ZDHHC11B: variants seen among roughly 807,000 people sequenced by gnomAD.
ZDHHC11B encodes the protein zDHHC palmitoyltransferase 11B (putative), also known as probable palmitoyltransferase ZDHHC11B.
Under a neutral mutation model 42.3 loss-of-function variants are expected in ZDHHC11B, and 17 were observed. The ratio of observed to expected loss-of-function variants is 0.40; its 90% CI spans 0.27 to 0.60. The LOEUF (loss-of-function observed/expected upper bound fraction) is 0.60. Ranked by LOEUF, ZDHHC11B falls within the 20% of genes least tolerant of loss-of-function variation. The probability of loss-of-function intolerance (pLI) is 0.41; values close to 1 mark genes in which losing one functional copy is unlikely to be tolerated. For missense variants in ZDHHC11B, 262 were observed against 463.2 expected (o/e 0.57, Z 3.99); for synonymous variants, 123 against 193.5 (o/e 0.64, Z 3.02).
At chr5:754,046 C>T (rs1396467916) in intron 6 of ZDHHC11B, among the ~76,000 whole-genome samples, 2 of 135,338 alleles carry the variant, frequency 1.5e-5, no homozygotes, top group Admixed American at 8.3e-5. Context: ...GAGCCTCCAC[C>T]GTGCTCAGGG....
intron 4 of ZDHHC11B, among the ~76,000 whole-genome samples, chr5:763,380 A>T (rs1287199468): frequency 6.7e-6 from 1 of 148,300 alleles, no homozygotes; most frequent in African/African-American, 2.6e-5. Flanking sequence ...CGGGAAAAAA[A>T]AAAAAAAGAA....
chr5:761,730 G>A (rs1200994262), intron 4 of ZDHHC11B, among the ~76,000 whole-genome samples: 1 of 151,842 alleles, frequency 6.6e-6, no homozygotes, highest in East Asian at 1.9e-4. Context: ...GGCACACTCA[G>A]GGCCTCTCAG....
At chr5:724,411 T>A (rs1348920606) in intron 12 of ZDHHC11B, among the ~76,000 whole-genome samples, 1 of 139,306 alleles carries the variant, frequency 7.2e-6, no homozygotes, top group African/African-American at 2.7e-5. Context: ...AGTCTTGCTC[T>A]GTCGCCCAGG....
At chr5:777,932 C>T (rs1254410914) in intron 1 of ZDHHC11B, among the ~76,000 whole-genome samples, 1 of 151,778 alleles carries the variant, frequency 6.6e-6, no homozygotes, top group African/African-American at 2.4e-5. Flanking sequence ...GGCGTGGCCT[C>T]GGCATGGCGG....
At chr5:758,382 T>C (rs1203260114) in intron 4 of ZDHHC11B, among the ~76,000 whole-genome samples, 6 of 151,884 alleles carry the variant, frequency 4.0e-5, no homozygotes, top group African/African-American at 1.5e-4. Context: ...GGTCGCCACA[T>C]CCGACTGCAG....
At position 766,458 on chromosome 5, in the gene ZDHHC11B, C is replaced by T. The variant is rs1405674627; in HGVS notation, c.222+240G>A. On this transcript the variant is annotated intron_variant, in intron 4 of 13. Coordinates refer to ENST00000508859, the MANE Select transcript of ZDHHC11B (RefSeq NM_001351303.2). ...AGGGTCAGTGGCTGCTCTGTCCACC[C>T]GACGATGGGCCACGCAGGAATGGCC... Among the ~76,000 whole-genome samples, 66 of 151,898 alleles carry T rather than the reference C, an allele frequency of 4.3e-4. 2 individuals are homozygous for T. Among genetic ancestry groups the T allele is most frequent in the African/African-American group, 1.5e-3 (61 of 41,328 alleles).
intron 10 of ZDHHC11B, among the ~76,000 whole-genome samples, chr5:736,194 T>C (rs1158138446): frequency 1.3e-5 from 2 of 149,666 alleles, no homozygotes; most frequent in Non-Finnish European, 3.0e-5. Context: ...CAACAGACTT[T>C]AAAGCCACAA....
chr5:726,168 G>A (rs1200891122), intron 12 of ZDHHC11B, among the ~76,000 whole-genome samples: 4 of 151,436 alleles, frequency 2.6e-5, no homozygotes, highest in East Asian at 1.9e-4. Context: ...CCACAAAACA[G>A]ACCTGTGATT....
At chr5:778,970 C>T (rs1467980655) in intron 1 of ZDHHC11B, among the ~76,000 whole-genome samples, 1 of 151,732 alleles carries the variant, frequency 6.6e-6, no homozygotes, top group East Asian at 1.9e-4. Context: ...GAGGACATGG[C>T]AACCAGGCCC....
intron 1 of ZDHHC11B, among the ~76,000 whole-genome samples, chr5:770,170 C>T (rs2150230582): frequency 6.6e-6 from 1 of 150,634 alleles, no homozygotes; most frequent in Admixed American, 6.6e-5. Context: ...CCCAGCTGAG[C>T]CGGGTGCAGC....
intron 4 of ZDHHC11B, among the ~76,000 whole-genome samples, chr5:762,801 A>T (rs1453823699): frequency 7.3e-6 from 1 of 137,814 alleles, no homozygotes; most frequent in African/African-American, 2.6e-5. Context: ...AGTAGTAAAA[A>T]TAAAAGCAGA....
intron 12 of ZDHHC11B, among the ~76,000 whole-genome samples, chr5:724,821 A>G (rs1742451776): frequency 6.7e-6 from 1 of 148,488 alleles, no homozygotes; most frequent in East Asian, 2.0e-4. Context: ...ACAAAACCTG[A>G]ACCCAGCACC....
chr5:731,781 C>A (rs1394897573), intron 11 of ZDHHC11B, among the ~76,000 whole-genome samples: 2 of 151,734 alleles, frequency 1.3e-5, no homozygotes. Context: ...CACAAGACTC[C>A]GGAGATATTC....
intron 9 of ZDHHC11B, among the ~76,000 whole-genome samples, chr5:742,275 G>A (rs1744244784): frequency 7.0e-6 from 1 of 142,750 alleles, no homozygotes; most frequent in Middle Eastern, 3.6e-3. Flanking sequence ...TTCCCATTGT[G>A]TCCAGCCCTC....
intron 4 of ZDHHC11B, among the ~76,000 whole-genome samples, chr5:758,207 G>A (rs1380576376): frequency 1.3e-5 from 2 of 151,906 alleles, no homozygotes; most frequent in Non-Finnish European, 2.9e-5. Flanking sequence ...AGGACAATGA[G>A]ATGAGGCAGG....
At chr5:767,094 G>A in intron 3 of ZDHHC11B, 175 bp from the exon 4 acceptor site, 2 of 907,382 alleles carry the variant, frequency 2.2e-6, no homozygotes, top group Non-Finnish European at 3.3e-6. Context: ...GGGTTGGGCT[G>A]GAGTCGGTGC....
intron 1 of ZDHHC11B, among the ~76,000 whole-genome samples, chr5:778,836 A>G (rs1426025080): frequency 6.6e-6 from 1 of 151,924 alleles, no homozygotes; most frequent in African/African-American, 2.4e-5. Flanking sequence ...CGTCCCCTCC[A>G]AAATCCACGC....
At chr5:778,382 G>C (rs1355812619) in intron 1 of ZDHHC11B, among the ~76,000 whole-genome samples, 3 of 150,886 alleles carry the variant, frequency 2.0e-5, no homozygotes, top group Non-Finnish European at 4.4e-5. Context: ...GGCACACCAG[G>C]TTAGAGGACA....
At chr5:771,703 A>G (rs1337027450) in intron 1 of ZDHHC11B, among the ~76,000 whole-genome samples, 2 of 151,662 alleles carry the variant, frequency 1.3e-5, no homozygotes, top group Non-Finnish European at 2.9e-5. Context: ...CTGAGAAATT[A>G]CCAGAAGCAA....
Sources: allele counts gnomAD v4.1 joint callset (sites outside exome capture counted in the v4.1 genomes callset), GRCh38; gene constraint gnomAD v4.1.1; transcripts MANE v1.5; gene names NCBI Gene and HGNC (gene_info 2026-07-23, HGNC 2026-07-21).